DEGS2: variants seen among roughly 807,000 people sequenced by gnomAD.
The protein encoded by DEGS2 is sphingolipid delta(4)-desaturase/C4-monooxygenase DES2.
Under a neutral mutation model 23.8 loss-of-function variants are expected in DEGS2, and 19 were observed. The observed-to-expected ratio is 0.80, with a 90% CI of 0.56 to 1.17. DEGS2 has a LOEUF of 1.17. Ranked by LOEUF, DEGS2 falls within the 50% of genes most tolerant of loss-of-function variation. The pLI, the probability that DEGS2 is intolerant of heterozygous loss-of-function variation, is 0.00. For synonymous variants in DEGS2, 218 were observed against 213.7 expected (o/e 1.02, Z -0.18); for missense variants, 390 against 459.5 (o/e 0.85, Z 1.38).
rs551032174 is a variant in DEGS2 at position 100,150,951 on chromosome 14, C to A, written c.83-1241G>T. ...CTGGGGCCTCCGGAGCCACTGGGAC[C>A]CCAGAAACAGGCACTGGGCTGGCCC... On this transcript the variant is annotated intron_variant, in intron 1 of 2. Coordinates refer to ENST00000305631, the MANE Select transcript of DEGS2 (RefSeq NM_206918.3). Among the ~76,000 whole-genome samples the A allele has an allele frequency of 1.2e-4, 18 of 152,328 alleles. No homozygotes were observed. The South Asian group carries it at 2.1e-3, about 18-fold the overall frequency.
At chr14:100,166,055 T>C in the DEGS2 span, among the ~76,000 whole-genome samples, 1 of 13,194 alleles carries the variant, frequency 7.6e-5, no homozygotes, top group Non-Finnish European at 1.5e-4. Context: ...CCCGGGAGAG[T>C]GGGGGGAGCC....
intron 2 of DEGS2, among the ~76,000 whole-genome samples, chr14:100,147,584 G>A (rs772156296): frequency 1.7e-4 from 25 of 149,730 alleles, no homozygotes; most frequent in Non-Finnish European, 3.0e-4. Context: ...CCGCAACTGC[G>A]CCACCACCAC....
chr14:100,159,631 T>C lies in DEGS2; in HGVS notation c.-44A>G, dbSNP rs772846801. 3.3e-6 allele frequency: 4 copies of C among 1,200,732 alleles called. No homozygotes were observed. Among genetic ancestry groups the C allele is most frequent in the Non-Finnish European group, 4.3e-6 (4 of 935,648 alleles). 74.4% of individuals were successfully genotyped at this position (1,200,732 alleles called of 1,614,324 possible). Reference sequence around the variant, plus strand: ...GTTCGGAGCGCGGCCGGCTCGGCTCTGCTGCACCTGTCGCGGCGGCCGCGG... The same window carrying C: ...GTTCGGAGCGCGGCCGGCTCGGCTCCGCTGCACCTGTCGCGGCGGCCGCGG... On this transcript the variant is annotated 5_prime_UTR_variant, in exon 1 of 3. Transcript: ENST00000305631.
chr14:100,154,332 T>C (rs118102983), intron 1 of DEGS2, among the ~76,000 whole-genome samples: 7,530 of 145,124 alleles, frequency 0.052, 264 homozygotes, highest in Non-Finnish European at 0.073. Context: ...ACCACTGGAC[T>C]CCAGCCTGGC....
chr14:100,166,864 C>T, the DEGS2 span, among the ~76,000 whole-genome samples: 1 of 152,218 alleles, frequency 6.6e-6, no homozygotes, highest in Non-Finnish European at 1.5e-5. Flanking sequence ...TGGCTCACGC[C>T]TGTAATCCCA....
intron 2 of DEGS2, among the ~76,000 whole-genome samples, chr14:100,147,130 C>T (rs142289020): frequency 5.9e-5 from 9 of 152,230 alleles, no homozygotes; most frequent in Non-Finnish European, 4.4e-5. Context: ...ACAAGGCCAC[C>T]CCTCTGGTCC....
intron 1 of DEGS2, among the ~76,000 whole-genome samples, chr14:100,158,706 G>A (rs137980185): frequency 2.1e-4 from 32 of 152,264 alleles, no homozygotes; most frequent in African/African-American, 7.7e-4. Context: ...GGGCGGGCCT[G>A]TCTCAGCCTG....
upstream of DEGS2, chr14:100,159,735 C>G (rs1312226930): frequency 2.9e-6 from 1 of 342,026 alleles, no homozygotes; most frequent in African/African-American, 2.2e-5. Flanking sequence ...GGGCGGGGCA[C>G]CTCTGGCTGG....
intron 1 of DEGS2, among the ~76,000 whole-genome samples, chr14:100,151,953 C>T (rs761581515): frequency 2.0e-5 from 3 of 152,136 alleles, no homozygotes; most frequent in Admixed American, 1.3e-4. Flanking sequence ...CTCGGGACCA[C>T]GCCATGCAGA....
chr14:100,150,976 C>T (rs1889561861), intron 1 of DEGS2, among the ~76,000 whole-genome samples: 1 of 152,220 alleles, frequency 6.6e-6, no homozygotes, highest in Admixed American at 6.5e-5. Flanking sequence ...TGGGCTGGCC[C>T]ATCCAACAGG....
At chr14:100,148,875 C>T (rs1889506160) in intron 2 of DEGS2, 93 bp downstream of exon 2, 5 of 1,408,850 alleles carry the variant, frequency 3.5e-6, no homozygotes, top group Non-Finnish European at 3.8e-6. Flanking sequence ...GGAGAGGCTG[C>T]TGGGCATGGC....
At chr14:100,160,672 G>T (rs1047760942), upstream of DEGS2, among the ~76,000 whole-genome samples, 1 of 152,214 alleles carries the variant, frequency 6.6e-6, no homozygotes, top group Non-Finnish European at 1.5e-5. Flanking sequence ...GCTGCCACAG[G>T]CTCGCACATA....
At chr14:100,159,193 G>T (rs1039853210) in intron 1 of DEGS2, among the ~76,000 whole-genome samples, 31 of 152,108 alleles carry the variant, frequency 2.0e-4, no homozygotes, top group African/African-American at 7.5e-4. Context: ...GCGCCCTCGC[G>T]TCCCAGCATC....
chr14:100,156,987 G>T (rs763072492), intron 1 of DEGS2, among the ~76,000 whole-genome samples: 3 of 152,190 alleles, frequency 2.0e-5, no homozygotes, highest in Non-Finnish European at 4.4e-5. Flanking sequence ...CCAAGCCCTG[G>T]CCCCAGGTGC....
chr14:100,162,976 A>G (rs1255605794), upstream of DEGS2, among the ~76,000 whole-genome samples: 1 of 152,234 alleles, frequency 6.6e-6, no homozygotes, highest in Non-Finnish European at 1.5e-5. Context: ...CAGACAGCCC[A>G]TGACCCAGAG....
At chr14:100,165,556 C>T in the DEGS2 span, among the ~76,000 whole-genome samples, 1 of 152,244 alleles carries the variant, frequency 6.6e-6, no homozygotes, top group Non-Finnish European at 1.5e-5. Flanking sequence ...CACTGCGCTG[C>T]TCTCGGTAAC....
In DEGS2 at chr14:100,149,724, A is replaced by G. The variant is rs1889532868; in HGVS notation, c.83-14T>C. 5.0e-6 allele frequency: 8 copies of G among 1,586,308 alleles called. No homozygotes were observed. The highest frequency in any genetic ancestry group is 6.9e-6 in the Non-Finnish European group (8 of 1,165,338). On this transcript the variant is annotated splice_polypyrimidine_tract_variant and intron_variant, in intron 1 of 2. Transcript: ENST00000305631. ...CCGGGTACTTGGCTGCAAGGAAGAC[A>G]GGGAGGTATGAGGCCCCGCTCGGTG...
intron 2 of DEGS2, 24 bp from the exon 3 acceptor site, chr14:100,146,931 A>G: frequency 6.2e-7 from 1 of 1,602,414 alleles, no homozygotes; most frequent in Non-Finnish European, 8.5e-7. Context: ...GGCGGGGCTC[A>G]GGGGCTGGTT....
At chr14:100,164,944 A>G in the DEGS2 span, among the ~76,000 whole-genome samples, 10 of 152,222 alleles carry the variant, frequency 6.6e-5, no homozygotes, top group African/African-American at 2.2e-4. Flanking sequence ...AAGAATGGAT[A>G]AGCCGCTTAT....
Sources: allele counts gnomAD v4.1 joint callset (sites outside exome capture counted in the v4.1 genomes callset), GRCh38; gene constraint gnomAD v4.1.1; transcripts MANE v1.5; gene names NCBI Gene and HGNC (gene_info 2026-07-23, HGNC 2026-07-21).